CYP4X1: variants seen among roughly 807,000 people sequenced by gnomAD.
CYP4X1 encodes the protein cytochrome P450 4X1.
A neutral mutation model predicts 57.9 loss-of-function variants in CYP4X1; 44 were observed. The ratio of observed to expected loss-of-function variants is 0.76; its 90% confidence interval spans 0.60 to 0.98. The LOEUF (loss-of-function observed/expected upper bound fraction) is 0.98, where lower values mean the gene tolerates loss of function less well. CYP4X1 is among the 50% of genes least tolerant of loss of function. The pLI, the probability that CYP4X1 is intolerant of heterozygous loss-of-function variation, is 0.00. For missense variants in CYP4X1, 532 were observed against 623.9 expected (o/e 0.85, Z 1.57); for synonymous variants, 227 against 228.6 (o/e 0.99, Z 0.06).
the CYP4X1 span, among the ~76,000 whole-genome samples, chr1:46,970,922 T>C: frequency 1.3e-5 from 2 of 152,244 alleles, no homozygotes. Context: ...TTGTCCATTA[T>C]ATGTTTTTTA....
At chr1:47,011,071 G>A in the CYP4X1 span, among the ~76,000 whole-genome samples, 1 of 152,046 alleles carries the variant, frequency 6.6e-6, no homozygotes, top group Non-Finnish European at 1.5e-5. Flanking sequence ...AAAGTTCATA[G>A]AGAACCAAAA....
chr1:47,053,696 T>G (rs1314266083), downstream of CYP4X1, among the ~76,000 whole-genome samples: 2 of 152,250 alleles, frequency 1.3e-5, no homozygotes, highest in South Asian at 2.1e-4. Flanking sequence ...TCATGTGTCT[T>G]TTGGCTGCAT....
chr1:47,054,408 T>G (rs1407149050), downstream of CYP4X1, among the ~76,000 whole-genome samples: 13 of 152,144 alleles, frequency 8.5e-5, no homozygotes, highest in Admixed American at 1.3e-4. Flanking sequence ...GAGGGCTCTT[T>G]TTTGGTTCCA....
chr1:47,019,110 G>A (rs185322091), upstream of CYP4X1, among the ~76,000 whole-genome samples: 1 of 152,314 alleles, frequency 6.6e-6, no homozygotes, highest in African/African-American at 2.4e-5. Context: ...TAAGCTATAT[G>A]TCTATGTGTA....
At chr1:47,053,315 CATT>C (rs937409916), downstream of CYP4X1, among the ~76,000 whole-genome samples, 54 of 152,258 alleles carry the variant, frequency 3.5e-4, no homozygotes, top group Middle Eastern at 0.01. Flanking sequence ...TCCAGTCTAT[CATT>C]GTTGGACATT....
At chr1:47,016,993 G>A in the CYP4X1 span, among the ~76,000 whole-genome samples, 1 of 152,146 alleles carries the variant, frequency 6.6e-6, no homozygotes, top group African/African-American at 2.4e-5. Context: ...TTAACATAAT[G>A]ACCTCCAGTT....
At chr1:47,021,142 C>CAAAAAAAAAAAAAAAAAAA (rs546594827), upstream of CYP4X1, among the ~76,000 whole-genome samples, 5 of 47,458 alleles carry the variant, frequency 1.1e-4, 2 homozygotes, top group East Asian at 1.7e-3. Context: ...GCAGGAATGC[C>CAAAAAAAAAAAAAAAAAAA]AAAAAAAAAA....
At chr1:46,983,022 C>T in the CYP4X1 span, among the ~76,000 whole-genome samples, 23 of 152,180 alleles carry the variant, frequency 1.5e-4, no homozygotes, top group Admixed American at 3.9e-4. Flanking sequence ...GGTTGTGTTG[C>T]AGGTCCAAGC....
chr1:47,044,592 T>C (rs1644281287), intron 8 of CYP4X1, among the ~76,000 whole-genome samples: 1 of 152,230 alleles, frequency 6.6e-6, no homozygotes, highest in African/African-American at 2.4e-5. Context: ...ATCAGTGAGA[T>C]TTTTGTTTTC....
the CYP4X1 span, among the ~76,000 whole-genome samples, chr1:46,980,357 T>A: frequency 5.3e-5 from 8 of 152,306 alleles, no homozygotes; most frequent in Non-Finnish European, 5.9e-5. Context: ...AGGCAAATCA[T>A]GAATGAACTC....
At chr1:46,966,974 T>C in the CYP4X1 span, among the ~76,000 whole-genome samples, 1 of 152,228 alleles carries the variant, frequency 6.6e-6, no homozygotes, top group South Asian at 2.1e-4. Flanking sequence ...TGTGTATAGA[T>C]GCCAAATTGA....
chr1:47,028,786 T>A (rs540790107), intron 1 of CYP4X1, among the ~76,000 whole-genome samples: 1 of 152,326 alleles, frequency 6.6e-6, no homozygotes, highest in South Asian at 2.1e-4. Context: ...TTTCTCTGTA[T>A]CTCTACCACC....
the CYP4X1 span, among the ~76,000 whole-genome samples, chr1:47,009,278 A>G: frequency 6.6e-6 from 1 of 152,010 alleles, no homozygotes. Flanking sequence ...GCTCAACTAC[A>G]TGGAAACTGA....
chr1:47,012,378 G>T, the CYP4X1 span, among the ~76,000 whole-genome samples: 1 of 152,100 alleles, frequency 6.6e-6, no homozygotes. Flanking sequence ...TGGACACAGG[G>T]TGGGGAACAT....
chr1:47,050,679 A>G lies in CYP4X1; in HGVS notation c.*505A>G, dbSNP rs529115369. The G allele has an allele frequency of 6.4e-6, 1 of 155,390 alleles. No homozygotes were observed. The highest frequency in any genetic ancestry group is 2.4e-5 in the African/African-American group (1 of 41,574). The allele number at this position is 155,390 out of a possible 1,614,324, so 9.6% of individuals were successfully genotyped here. A position where few individuals can be genotyped will look rare whatever the true frequency, so the allele number is the denominator to read the frequency against. On this transcript the variant is annotated 3_prime_UTR_variant, in exon 12 of 12. Transcript: ENST00000371901. ...TTTATATGTAGAAATGTAGCAATGT[A>G]TTTGTATAGATGTGATCATTCCTAT...
chr1:47,016,562 C>T, the CYP4X1 span, among the ~76,000 whole-genome samples: 5 of 152,026 alleles, frequency 3.3e-5, no homozygotes, highest in South Asian at 2.1e-4. Context: ...AGGATGGTCT[C>T]GATCTCCTGA....
the CYP4X1 span, among the ~76,000 whole-genome samples, chr1:47,014,068 C>A: frequency 2.6e-5 from 4 of 152,170 alleles, no homozygotes; most frequent in Non-Finnish European, 4.4e-5. Context: ...AGCCACCCCA[C>A]CTGGCCCTCA....
At chr1:46,996,181 T>C in the CYP4X1 span, among the ~76,000 whole-genome samples, 2 of 152,246 alleles carry the variant, frequency 1.3e-5, no homozygotes, top group Non-Finnish European at 1.5e-5. Flanking sequence ...ATTGTACATA[T>C]AGAAACTAAG....
the CYP4X1 span, among the ~76,000 whole-genome samples, chr1:47,016,493 C>T: frequency 1.1e-4 from 16 of 152,062 alleles, no homozygotes; most frequent in African/African-American, 3.6e-4. Context: ...AGGGGCCCAC[C>T]ACCACGCCCA....
Sources: gnomAD v4.1 joint callset for allele counts (sites outside exome capture counted in the v4.1 genomes callset) on GRCh38, gnomAD v4.1.1 for gene constraint, MANE v1.5 for transcripts, NCBI Gene and HGNC (gene_info 2026-07-23, HGNC 2026-07-21) for gene names.